SSU72: variants seen among roughly 807,000 people sequenced by gnomAD.
SSU72 encodes SSU72 homolog, RNA polymerase II CTD phosphatase.
SSU72 carries 12 observed loss-of-function variants against 22.7 expected under a neutral mutation model. That is an observed-to-expected ratio of 0.53 (90% CI 0.34 to 0.86). The LOEUF is 0.86. SSU72 is among the 40% of genes least tolerant of loss of function. SSU72 has a pLI of 0.02. For missense variants in SSU72, 151 were observed against 249.8 expected (o/e 0.60, Z 2.67); for synonymous variants, 116 against 98.3 (o/e 1.18, Z -1.06).
intron 2 of SSU72, chr1:1,561,763 C>G (rs1046302140): frequency 1.3e-5 from 2 of 152,200 alleles, no homozygotes; most frequent in East Asian, 3.9e-4. Flanking sequence ...CTGCCCCCAC[C>G]TAGGGGGCAA....
intron 1 of SSU72, among the ~76,000 whole-genome samples, chr1:1,570,431 A>C (rs1236137321): frequency 6.6e-6 from 1 of 151,520 alleles, no homozygotes; most frequent in African/African-American, 2.4e-5. Flanking sequence ...AGTCTGAAGG[A>C]TTTCCTGCCC....
chr1:1,571,244 CAAAAAAAAAAAAAAAAAAAAAAAA>C (rs753699933), intron 1 of SSU72, among the ~76,000 whole-genome samples: 2 of 46,864 alleles, frequency 4.3e-5, no homozygotes, highest in African/African-American at 1.4e-4. Flanking sequence ...GACTCCATCT[CAAAAAAAAAAAAAAAAAAAAAAAA>C]AAAAAAAAAA....
At chr1:1,567,575 G>A (rs1443970272) in intron 1 of SSU72, among the ~76,000 whole-genome samples, 1 of 152,148 alleles carries the variant, frequency 6.6e-6, no homozygotes, top group Non-Finnish European at 1.5e-5. Context: ...CCAGACACAA[G>A]GCATACCACA....
intron 1 of SSU72, among the ~76,000 whole-genome samples, chr1:1,572,466 T>A (rs1042878955): frequency 8.0e-5 from 12 of 150,858 alleles, no homozygotes; most frequent in African/African-American, 2.9e-4. Flanking sequence ...TTTATTTATG[T>A]ATTTATTTGA....
intron 1 of SSU72, 104 bp from the exon 2 acceptor site, chr1:1,565,020 G>T: frequency 7.1e-7 from 1 of 1,411,352 alleles, no homozygotes; most frequent in Non-Finnish European, 9.5e-7. Context: ...AATTTCATTG[G>T]CTCATAGTAG....
rs150674843 is a variant in SSU72, at chr1:1,543,896, C to T, written c.456G>A (p.Ala152=). The change falls in exon 4 of 5, where the codon GCG becomes GCA. Residue 152 remains alanine (A), a synonymous_variant. Transcript: ENST00000291386. ...QDNHEEATLG[A]FLICELCQCI... ...ACTGGCAGAGCTCACAGATGAGAAA[C>T]GCCCCCAGGGTGGCCTCCTCGTGGT... 30 of 1,613,626 alleles carry T rather than the reference C, an allele frequency of 1.9e-5. No homozygotes were observed. Among genetic ancestry groups the T allele is most frequent in the South Asian group, 6.6e-5 (6 of 91,080 alleles).
chr1:1,549,767 G>A (rs1341155503), intron 2 of SSU72, among the ~76,000 whole-genome samples: 4 of 151,548 alleles, frequency 2.6e-5, no homozygotes, highest in South Asian at 4.2e-4. Context: ...AAGGTCAGGA[G>A]ATCGAGACCA....
Position 1,542,877 on chromosome 1 carries a change from G to C in SSU72, c.484-710C>G, listed in dbSNP as rs1318707047. ...GCAGCCACACTGGACCGTGAGGCACGTGGGGACCAGAAGCCATGCTGGGTG... is the reference window on the plus strand; with the variant it reads ...GCAGCCACACTGGACCGTGAGGCACCTGGGGACCAGAAGCCATGCTGGGTG... On this transcript the variant is annotated intron_variant, in intron 4 of 4. Coordinates refer to ENST00000291386, the MANE Select transcript of SSU72 (RefSeq NM_014188.3). This position sits in a 1 kb window ranked among gnomAD's most constrained non-coding sequence, Gnocchi z 4.4. 6.6e-6 allele frequency among the ~76,000 whole-genome samples: 1 copy of C among 152,228 alleles called. No homozygotes were observed. Among genetic ancestry groups the C allele is most frequent in the Non-Finnish European group, 1.5e-5 (1 of 68,046 alleles).
chr1:1,574,078 G>A (rs1411621599), intron 1 of SSU72, among the ~76,000 whole-genome samples: 3 of 151,688 alleles, frequency 2.0e-5, no homozygotes, highest in Non-Finnish European at 2.9e-5. Context: ...ATTAAAAAAA[G>A]AGACCGCTTT....
intron 2 of SSU72, among the ~76,000 whole-genome samples, chr1:1,560,607 CTTA>C (rs1410938794): frequency 3.9e-5 from 6 of 152,282 alleles, no homozygotes; most frequent in Non-Finnish European, 5.9e-5. Flanking sequence ...CAGTCTCTAA[CTTA>C]TTATGGCTCA....
In SSU72 at chr1:1,542,414, G is replaced by A. The variant is rs947641374; in HGVS notation, c.484-247C>T. Among the ~76,000 whole-genome samples the A allele has an allele frequency of 6.6e-6, 1 of 152,120 alleles. No individual in the cohort carries two copies. The highest frequency in any genetic ancestry group is 2.1e-4 in the South Asian group (1 of 4,834). On this transcript the variant is annotated intron_variant, in intron 4 of 4. Coordinates refer to ENST00000291386, the MANE Select transcript of SSU72 (RefSeq NM_014188.3). The surrounding 1 kb of genome is among the most constrained non-coding windows in gnomAD (Gnocchi z 4.4). ...GCTGGGAGGAGCTGGGAGGAGCCTG[G>A]AGCTGGATTCTGAGAGGGGCCCAGC... is the stretch of plus-strand genomic sequence containing the variant.
intron 2 of SSU72, among the ~76,000 whole-genome samples, chr1:1,559,279 C>T (rs565170698): frequency 6.6e-6 from 1 of 152,140 alleles, no homozygotes; most frequent in Non-Finnish European, 1.5e-5. Flanking sequence ...AACGGGCGGA[C>T]CTGTAGCACG....
chr1:1,571,392 T>C (rs1359621671), intron 1 of SSU72, among the ~76,000 whole-genome samples: 3 of 146,578 alleles, frequency 2.0e-5, no homozygotes, highest in Admixed American at 6.8e-5. Context: ...GATCGTGTCA[T>C]TGCACTCCAG....
intron 2 of SSU72, among the ~76,000 whole-genome samples, chr1:1,549,446 G>A (rs948419234): frequency 7.9e-5 from 12 of 151,716 alleles, no homozygotes; most frequent in Admixed American, 4.6e-4. Context: ...GCGTGAACCC[G>A]GAGGCGGAGC....
At chr1:1,568,909 C>T (rs1403332184) in intron 1 of SSU72, among the ~76,000 whole-genome samples, 12 of 152,114 alleles carry the variant, frequency 7.9e-5, no homozygotes, top group East Asian at 5.8e-4. Context: ...CGGTGGCTCA[C>T]GCCTGTAATC....
At chr1:1,570,209 G>C (rs189043237) in intron 1 of SSU72, among the ~76,000 whole-genome samples, 1 of 150,376 alleles carries the variant, frequency 6.6e-6, no homozygotes, top group Non-Finnish European at 1.5e-5. Context: ...CAGGAGGATC[G>C]TTTTAGCCCA....
intron 2 of SSU72, among the ~76,000 whole-genome samples, chr1:1,556,125 A>G (rs537465219): frequency 1.3e-5 from 2 of 151,502 alleles, no homozygotes; most frequent in South Asian, 4.2e-4. Flanking sequence ...GCAAAACCCC[A>G]TCTCTACAAA....
At chr1:1,553,137 C>T (rs184539896) in intron 2 of SSU72, among the ~76,000 whole-genome samples, 14 of 152,212 alleles carry the variant, frequency 9.2e-5, no homozygotes, top group African/African-American at 3.1e-4. Context: ...GGAGGAAAGC[C>T]GGTCTCTGCA....
At position 1,564,781 on chromosome 1, in the gene SSU72, G is replaced by A; in HGVS notation, c.216C>T (p.Asp72=). The change falls in exon 2 of 5, where the codon GAC becomes GAT. Residue 72 remains aspartate, a synonymous_variant. Transcript: ENST00000291386. ...DQMYNDLLRK[D]KELYTQNGIL... is the part of the protein sequence containing the mutation. ...GCAACCCGCTGGGATACAGTTCTTT[G>A]TCTTTCCTAAGAAGATCATTGTACA... The A allele has an allele frequency of 6.2e-7, 1 of 1,614,178 alleles. No individual in the cohort carries two copies.
Sources: allele counts gnomAD v4.1 joint callset (sites outside exome capture counted in the v4.1 genomes callset), GRCh38; gene constraint gnomAD v4.1.1; non-coding constraint Gnocchi (gnomAD v3.1); transcripts MANE v1.5; gene names NCBI Gene and HGNC (gene_info 2026-07-23, HGNC 2026-07-21).